The following OTOP2 variants were observed in gnomAD, a reference collection of about 807,000 sequenced individuals.
OTOP2 encodes the protein proton channel OTOP2.
A neutral mutation model predicts 47.4 loss-of-function variants in OTOP2; 41 were observed. That is an observed-to-expected ratio of 0.87 (90% confidence interval 0.67 to 1.12). The LOEUF (loss-of-function observed/expected upper bound fraction) is 1.12. Among genes scored for constraint, OTOP2 ranks in the 50% most tolerant of loss-of-function variants. OTOP2 has a pLI of 0.00. For missense variants in OTOP2, 721 were observed against 752.2 expected (o/e 0.96, Z 0.49); for synonymous variants, 328 against 319.6 (o/e 1.03, Z -0.28).
chr17:74,925,423 T>C lies in OTOP2; in HGVS notation c.314-133T>C, dbSNP rs533024908. On this transcript the variant is annotated intron_variant, in intron 2 of 6. Coordinates refer to ENST00000331427, the MANE Select transcript of OTOP2 (RefSeq NM_178160.3). ...TCCTCCCACCCTCCCCATTGATCCA[T>C]CCAACAGTGCACTCACTCACCCATC... 6.0e-5 allele frequency: 64 copies of C among 1,075,340 alleles called. No homozygotes were observed. The South Asian group carries it at 8.2e-4, about 14-fold the overall frequency. The allele number at this position is 1,075,340 out of a possible 1,614,324, so 66.6% of individuals were successfully genotyped here.
intron 3 of OTOP2, 142 bp downstream of exon 3, chr17:74,925,834 G>C: frequency 8.0e-7 from 1 of 1,247,056 alleles, no homozygotes; most frequent in South Asian, 1.5e-5. Context: ...GCTGTAGAGA[G>C]CATCACAGGA....
intron 4 of OTOP2, 175 bp downstream of exon 4, chr17:74,927,456 C>T (rs1331178747): frequency 6.8e-6 from 7 of 1,030,784 alleles, no homozygotes; most frequent in Non-Finnish European, 8.6e-6. Context: ...CCCTTTCTCC[C>T]AGGGGAGGGA....
At position 74,933,563 on chromosome 17, in the gene OTOP2, T is replaced by TG. The variant is rs764948369; in HGVS notation, c.*24dup. 9 of 1,566,092 alleles carry TG rather than the reference T, an allele frequency of 5.7e-6. No homozygotes were observed. Among genetic ancestry groups the TG allele is most frequent in the Non-Finnish European group, 7.9e-6 (9 of 1,145,256 alleles). On this transcript the variant is annotated 3_prime_UTR_variant, in exon 7 of 7. Transcript: ENST00000331427. This position sits in a 1 kb window ranked among gnomAD's most constrained non-coding sequence, Gnocchi z 4.7. ...TGTCCTGAGGCCTCCAACAGAGGCA[T>TG]GGGGGGCAGGAAGAGGGGGCTCAGC...
chr17:74,930,035 T>C lies in OTOP2; in HGVS notation c.644-244T>C, dbSNP rs536941254. ...CTGTCTCTACTAAAAATATAAAAAT[T>C]AGCCAGGTGTGATGACAGGTGCCTG... is the stretch of plus-strand genomic sequence containing the variant. On this transcript the variant is annotated intron_variant, in intron 5 of 6. Transcript: ENST00000331427. The surrounding 1 kb of genome is among the most constrained non-coding windows in gnomAD (Gnocchi z 4.0). 6.6e-6 allele frequency among the ~76,000 whole-genome samples: 1 copy of C among 152,082 alleles called. No individual in the cohort carries two copies. The highest frequency in any genetic ancestry group is 2.4e-5 in the African/African-American group (1 of 41,430).
chr17:74,929,909 G>A (rs1195670983), intron 5 of OTOP2, among the ~76,000 whole-genome samples: 5 of 152,226 alleles, frequency 3.3e-5, no homozygotes, highest in Admixed American at 6.5e-5. Context: ...TAGGCTGGGC[G>A]TGGTGGCTCA....
intron 5 of OTOP2, among the ~76,000 whole-genome samples, chr17:74,929,815 C>T (rs766421888): frequency 1.3e-5 from 2 of 152,170 alleles, no homozygotes; most frequent in South Asian, 2.1e-4. Flanking sequence ...GAGTGTGCCA[C>T]GCCCTGTAAA....
rs745394844 is a variant in OTOP2, at chr17:74,927,789, AT to A, written c.635del (p.Ile212ThrfsTer103). 1 of 1,613,924 alleles carries A rather than the reference AT, an allele frequency of 6.2e-7. No homozygotes were observed. Among genetic ancestry groups the A allele is most frequent in the Non-Finnish European group, 8.5e-7 (1 of 1,179,928 alleles). On this transcript the variant is annotated frameshift_variant, in exon 5 of 7. Coordinates refer to ENST00000331427, the MANE Select transcript of OTOP2 (RefSeq NM_178160.3). LOFTEE classifies it high-confidence loss of function. The part of the protein sequence containing the change: ...SHSNASHARL[I>X]SDQHADNPVG... ...CAGCAACGCCAGCCACGCCCGTCTC[AT>A]CTCTGACCGTGAGTTTCCTCTTAAT... is the stretch of plus-strand genomic sequence containing the variant.
Position 74,930,922 on chromosome 17 carries a change from G to T in OTOP2, c.1287G>T (p.Pro429=), listed in dbSNP as rs61731429. ...MFIIESLHRG[P]PGAEPHSTHP... The stretch of plus-strand genomic sequence containing the variant: ...TCATCGAGAGCCTTCACCGAGGACC[G>T]CCCGGGGCTGAGCCTCACAGTACCC... Residue 429 remains proline, a synonymous_variant, in exon 6 of 7, where the codon CCG becomes CCT. Transcript: ENST00000331427. The surrounding 1 kb of genome is among the most constrained non-coding windows in gnomAD (Gnocchi z 4.0). 4 of 1,613,720 alleles carry T rather than the reference G, an allele frequency of 2.5e-6. No homozygotes were observed. The African/African-American group carries it at 5.3e-5, about 22-fold the overall frequency.
rs1455325610 is a variant in OTOP2, at chr17:74,927,802, A to G, written c.643+4A>G. ...CACGCCCGTCTCATCTCTGACCGTG[A>G]GTTTCCTCTTAATGCTGGCCCTGTG... On this transcript the variant is annotated splice_donor_region_variant and intron_variant, in intron 5 of 6. Transcript: ENST00000331427. 6.2e-7 allele frequency: 1 copy of G among 1,613,552 alleles called. No individual in the cohort carries two copies. The highest frequency in any genetic ancestry group is 1.7e-5 in the Admixed American group (1 of 59,894).
intron 5 of OTOP2, among the ~76,000 whole-genome samples, chr17:74,929,520 G>T (rs1329644950): frequency 3.3e-5 from 5 of 152,166 alleles, no homozygotes; most frequent in African/African-American, 1.2e-4. Context: ...CTGCCTCCTG[G>T]GTTCAAGCAA....
In OTOP2 at chr17:74,924,800, C is replaced by A; in HGVS notation, c.168C>A (p.Ala56=). ...GCGGCGGAGCCTTCAACAAGGTGGC[C>A]GTGTACGACACCGACGTGTTCGCGC... ...LISGGAFNKV[A]VYDTDVFALL... The change falls in exon 2 of 7, where the codon GCC becomes GCA. Residue 56 remains alanine, a synonymous_variant. Coordinates refer to ENST00000331427, the MANE Select transcript of OTOP2 (RefSeq NM_178160.3). This position sits in a 1 kb window ranked among gnomAD's most constrained non-coding sequence, Gnocchi z 7.7. 6.2e-7 allele frequency: 1 copy of A among 1,611,830 alleles called. No individual in the cohort carries two copies. Among genetic ancestry groups the A allele is most frequent in the Non-Finnish European group, 8.5e-7 (1 of 1,179,270 alleles).
chr17:74,930,993 C>T lies in OTOP2; in HGVS notation c.1358C>T (p.Ala453Val), dbSNP rs748471677. 4.6e-5 allele frequency: 74 copies of T among 1,614,060 alleles called. No individual in the cohort carries two copies. Among genetic ancestry groups the T allele is most frequent in the Non-Finnish European group, 5.7e-5 (67 of 1,180,016 alleles). Reference protein sequence around the residue: ...CQDLTFTNLDALHTLSACPPN... With the variant: ...CQDLTFTNLDVLHTLSACPPN... ...GACCTCACCTTCACCAACCTGGATG[C>T]CCTCCACACGTTGTCCGCCTGCCCA... The change falls in exon 6 of 7, where the codon GCC becomes GTC. Residue 453 changes from alanine (A) to valine (V), a missense_variant. Physicochemically the swap from Ala to Val is moderately conservative, Grantham distance 64 (BLOSUM62 0). Coordinates refer to ENST00000331427, the MANE Select transcript of OTOP2 (RefSeq NM_178160.3). This position sits in a 1 kb window ranked among gnomAD's most constrained non-coding sequence, Gnocchi z 4.0.
At chr17:74,927,630 C>T in intron 4 of OTOP2, 35 bp from the exon 5 acceptor site, 2 of 1,596,174 alleles carry the variant, frequency 1.3e-6, no homozygotes, top group Non-Finnish European at 1.7e-6. Context: ...CAAAGGGTCA[C>T]AGGCCTCTTT....
chr17:74,933,703 A>G lies in OTOP2; in HGVS notation c.*158A>G, dbSNP rs896094753. 1.1e-6 allele frequency: 1 copy of G among 923,394 alleles called. No homozygotes were observed. The highest frequency in any genetic ancestry group is 1.6e-6 in the Non-Finnish European group (1 of 644,982). The allele number at this position is 923,394 out of a possible 1,614,324, so 57.2% of individuals were successfully genotyped here. A position where few individuals can be genotyped will look rare whatever the true frequency, so the allele number is the denominator to read the frequency against. On this transcript the variant is annotated 3_prime_UTR_variant, in exon 7 of 7. Coordinates refer to ENST00000331427, the MANE Select transcript of OTOP2 (RefSeq NM_178160.3). This position sits in a 1 kb window ranked among gnomAD's most constrained non-coding sequence, Gnocchi z 4.7. ...CACAAAAGTTATTTTTCCAGGTTCA[A>G]TTTTTAAATCACAGTCAGGACAGGC...
intron 5 of OTOP2, among the ~76,000 whole-genome samples, chr17:74,929,122 GGATGAAAAGA>G (rs1424566876): frequency 1.3e-5 from 2 of 152,186 alleles, no homozygotes; most frequent in African/African-American, 4.8e-5. Context: ...CTAGTTCTTA[GGATGAAAAGA>G]GACGTTTGCC....
At chr17:74,927,607 C>T in intron 4 of OTOP2, 58 bp from the exon 5 acceptor site, 2 of 1,575,248 alleles carry the variant, frequency 1.3e-6, no homozygotes, top group Non-Finnish European at 1.7e-6. Flanking sequence ...CTCAGTATTG[C>T]TCCCCAACCT....
chr17:74,932,273 G>A (rs2039067031), intron 6 of OTOP2, among the ~76,000 whole-genome samples: 2 of 152,242 alleles, frequency 1.3e-5, no homozygotes, highest in East Asian at 1.9e-4. Flanking sequence ...TACTTAATGT[G>A]GGTATATCCC....
chr17:74,932,760 G>C (rs1270625366), intron 6 of OTOP2, among the ~76,000 whole-genome samples: 1 of 152,212 alleles, frequency 6.6e-6, no homozygotes, highest in Admixed American at 6.5e-5. Context: ...AGTTAATCAG[G>C]GGTAGGGGTG....
intron 5 of OTOP2, among the ~76,000 whole-genome samples, chr17:74,929,730 C>A (rs750251007): frequency 1.3e-5 from 2 of 152,136 alleles, no homozygotes; most frequent in Non-Finnish European, 2.9e-5. Context: ...CTGGCCTGGA[C>A]TGTTCTTACT....
Sources: allele counts gnomAD v4.1 joint callset (sites outside exome capture counted in the v4.1 genomes callset), GRCh38; gene constraint gnomAD v4.1.1; non-coding constraint Gnocchi (gnomAD v3.1); transcripts MANE v1.5; gene names NCBI Gene and HGNC (gene_info 2026-07-23, HGNC 2026-07-21).